ARK2C: variants seen among roughly 807,000 people sequenced by gnomAD.
The protein encoded by ARK2C is arkadia (RNF111) C-terminal like ring finger ubiquitin ligase 2C.
chr18:46,350,255 A>G, the ARK2C span, among the ~76,000 whole-genome samples: 1 of 152,174 alleles, frequency 6.6e-6, no homozygotes, highest in Non-Finnish European at 1.5e-5. Flanking sequence ...GGAAAACACC[A>G]TGCGTATGCG....
At chr18:46,446,701 G>GAAAAA in the ARK2C span, among the ~76,000 whole-genome samples, 1 of 116,614 alleles carries the variant, frequency 8.6e-6, no homozygotes, top group Non-Finnish European at 1.8e-5. Context: ...AAAAGGAAAA[G>GAAAAA]AAAAAAAAAA....
chr18:46,357,272 C>G, the ARK2C span, among the ~76,000 whole-genome samples: 1 of 152,198 alleles, frequency 6.6e-6, no homozygotes, highest in South Asian at 2.1e-4. Flanking sequence ...CAGTACCCAG[C>G]ATTTATTAAG....
the ARK2C span, among the ~76,000 whole-genome samples, chr18:46,402,363 G>T: frequency 1.3e-5 from 2 of 152,188 alleles, no homozygotes; most frequent in Non-Finnish European, 2.9e-5. Context: ...GGAATTGCTA[G>T]ATAAAATACA....
At chr18:46,444,047 T>C in the ARK2C span, among the ~76,000 whole-genome samples, 2 of 152,154 alleles carry the variant, frequency 1.3e-5, no homozygotes, top group Non-Finnish European at 2.9e-5. Flanking sequence ...TACAGTTTTT[T>C]TTCCCTTCAG....
chr18:46,334,237 G>GCGCAGCCGC, the ARK2C span: 6 of 1,408,542 alleles, frequency 4.3e-6, no homozygotes, highest in African/African-American at 7.5e-5. This position sits in a 1 kb window ranked among gnomAD's most constrained non-coding sequence, Gnocchi z 4.4. Context: ...AAGGGCCCGC[G>GCGCAGCCGC]CGCAGCCGCC....
the ARK2C span, among the ~76,000 whole-genome samples, chr18:46,419,109 C>A: frequency 6.6e-6 from 1 of 152,204 alleles, no homozygotes; most frequent in African/African-American, 2.4e-5. Context: ...AGTAGGCTGT[C>A]AGCCAGGGTG....
the ARK2C span, among the ~76,000 whole-genome samples, chr18:46,451,412 T>C: frequency 4.6e-5 from 7 of 152,048 alleles, no homozygotes; most frequent in East Asian, 1.3e-3. Flanking sequence ...AAATGAAAAT[T>C]TTGGAAGCAA....
At chr18:46,428,352 T>C in the ARK2C span, among the ~76,000 whole-genome samples, 1 of 152,160 alleles carries the variant, frequency 6.6e-6, no homozygotes, top group African/African-American at 2.4e-5. Context: ...GAGATTGCAG[T>C]GAGCTGAGAT....
chr18:46,454,624 G>A, the ARK2C span, among the ~76,000 whole-genome samples: 1 of 152,214 alleles, frequency 6.6e-6, no homozygotes, highest in Non-Finnish European at 1.5e-5. Flanking sequence ...CCAGAGTTTA[G>A]GACCAGAGGC....
the ARK2C span, among the ~76,000 whole-genome samples, chr18:46,453,571 A>AT: frequency 6.6e-6 from 1 of 152,162 alleles, no homozygotes; most frequent in Non-Finnish European, 1.5e-5. Context: ...AAAATAAGAA[A>AT]TGACAAAAGT....
At chr18:46,410,334 G>A in the ARK2C span, among the ~76,000 whole-genome samples, 1 of 152,226 alleles carries the variant, frequency 6.6e-6, no homozygotes, top group African/African-American at 2.4e-5. Flanking sequence ...GGTGCTCAAT[G>A]TCTTACTGGT....
the ARK2C span, among the ~76,000 whole-genome samples, chr18:46,341,980 T>C: frequency 3.9e-5 from 6 of 152,054 alleles, no homozygotes; most frequent in Non-Finnish European, 7.4e-5. Context: ...CAGTAGCGTA[T>C]TGGGAGAGGA....
the ARK2C span, among the ~76,000 whole-genome samples, chr18:46,423,041 A>C: frequency 1.3e-5 from 2 of 152,194 alleles, no homozygotes; most frequent in Non-Finnish European, 2.9e-5. Flanking sequence ...ATCAGAGTCC[A>C]GTTTATCAAT....
chr18:46,394,571 C>A, the ARK2C span, among the ~76,000 whole-genome samples: 2 of 152,230 alleles, frequency 1.3e-5, no homozygotes, highest in Non-Finnish European at 2.9e-5. Flanking sequence ...CTCACATAGC[C>A]ACAGAGGGGA....
chr18:46,447,378 T>G, the ARK2C span: 1 of 651,796 alleles, frequency 1.5e-6, no homozygotes, highest in Non-Finnish European at 2.7e-6. Context: ...TCAGAGTCCT[T>G]TCCTTCTCTG....
At chr18:46,425,311 G>T in the ARK2C span, among the ~76,000 whole-genome samples, 1 of 152,194 alleles carries the variant, frequency 6.6e-6, no homozygotes, top group Non-Finnish European at 1.5e-5. Flanking sequence ...CTGGTCAGCT[G>T]GCAGGCCTGC....
chr18:46,389,761 C>T, the ARK2C span, among the ~76,000 whole-genome samples: 1 of 151,962 alleles, frequency 6.6e-6, no homozygotes, highest in East Asian at 1.9e-4. Flanking sequence ...CAAGGTCTCA[C>T]ACTGTCACCC....
chr18:46,375,309 T>C, the ARK2C span, among the ~76,000 whole-genome samples: 1 of 152,128 alleles, frequency 6.6e-6, no homozygotes, highest in African/African-American at 2.4e-5. Context: ...TCCCAGCACT[T>C]TGGGAGGCCG....
At chr18:46,418,751 C>G in the ARK2C span, among the ~76,000 whole-genome samples, 1 of 152,176 alleles carries the variant, frequency 6.6e-6, no homozygotes, top group Non-Finnish European at 1.5e-5. Context: ...GTTACAGACC[C>G]AGAAAAGAGC....
Sources: gnomAD v4.1 joint callset for allele counts (sites outside exome capture counted in the v4.1 genomes callset) on GRCh38, gnomAD v4.1.1 for gene constraint, Gnocchi (gnomAD v3.1) non-coding constraint, MANE v1.5 for transcripts, NCBI Gene and HGNC (gene_info 2026-07-23, HGNC 2026-07-21) for gene names.